Variants in CSRNP3 observed in about 807,000 individuals in gnomAD.
The protein encoded by CSRNP3 is cysteine and serine rich nuclear protein 3.
CSRNP3 carries 12 observed loss-of-function variants against 48.0 expected under a neutral mutation model. The observed-to-expected ratio is 0.25, with a 90% CI of 0.16 to 0.41. CSRNP3 has a LOEUF of 0.41. Among genes scored for constraint, CSRNP3 ranks in the 10% least tolerant of loss-of-function variants. The probability of loss-of-function intolerance (pLI) is 1.00; values close to 1 mark genes in which losing one functional copy is unlikely to be tolerated. For missense variants in CSRNP3, 580 were observed against 724.4 expected (o/e 0.80, Z 2.29); for synonymous variants, 263 against 269.7 (o/e 0.98, Z 0.24).
intron 1 of CSRNP3, among the ~76,000 whole-genome samples, chr2:165,476,301 A>G (rs1004225890): frequency 1.3e-5 from 2 of 152,208 alleles, no homozygotes; most frequent in Non-Finnish European, 2.9e-5. Context: ...ACAAGTGTGC[A>G]TGCTTGCTTG....
chr2:165,632,936 G>A (rs1686563479), intron 4 of CSRNP3, among the ~76,000 whole-genome samples: 2 of 152,166 alleles, frequency 1.3e-5, no homozygotes, highest in Admixed American at 1.3e-4. Flanking sequence ...ACTTAGCACT[G>A]TGGTAGACAT....
At chr2:165,514,429 A>G (rs558008960) in intron 2 of CSRNP3, among the ~76,000 whole-genome samples, 6 of 152,236 alleles carry the variant, frequency 3.9e-5, no homozygotes, top group Admixed American at 2.0e-4. Flanking sequence ...CCTGAGGTAC[A>G]TTACATCCCC....
chr2:165,628,552 C>T (rs574943473), intron 4 of CSRNP3, among the ~76,000 whole-genome samples: 27 of 151,986 alleles, frequency 1.8e-4, no homozygotes, highest in African/African-American at 6.0e-4. Flanking sequence ...GGTGAAACCC[C>T]GTCTCTACTA....
intron 1 of CSRNP3, among the ~76,000 whole-genome samples, chr2:165,490,146 C>T (rs1481322719): frequency 6.7e-6 from 1 of 148,356 alleles, no homozygotes; most frequent in Non-Finnish European, 1.5e-5. Flanking sequence ...CATTCTTATA[C>T]ACCAACAACA....
rs551798032 is a variant in CSRNP3 at position 165,682,777 on chromosome 2, C to T, written c.*3024C>T. 2.9e-4 allele frequency: 44 copies of T among 152,168 alleles called. No individual in the cohort carries two copies. The highest frequency in any genetic ancestry group is 1.1e-3 in the African/African-American group (44 of 41,540). The allele number at this position is 152,168 out of a possible 1,614,324, so 9.4% of individuals were successfully genotyped here. On this transcript the variant is annotated 3_prime_UTR_variant, in exon 7 of 7. Transcript: ENST00000651982. ...CCACATGCCAGGAAAGTGCTACAGT[C>T]CTTCTAAGCTTTTAAAAATGGGGAT...
At chr2:165,667,751 C>T (rs1301873171) in intron 5 of CSRNP3, among the ~76,000 whole-genome samples, 2 of 152,102 alleles carry the variant, frequency 1.3e-5, no homozygotes, top group African/African-American at 4.8e-5. Flanking sequence ...GACTTTGTAC[C>T]TAGCCTTCCT....
Position 165,683,971 on chromosome 2 carries a change from A to G in CSRNP3, c.*4218A>G, listed in dbSNP as rs1179100288. On this transcript the variant is annotated 3_prime_UTR_variant, in exon 7 of 7. Coordinates refer to ENST00000651982, the MANE Select transcript of CSRNP3 (RefSeq NM_001172173.2). ...TCAGCTAGGACTGAATCAAATGAAA[A>G]AGAAATTTTCGATTAATTGCTTCTT... The G allele has an allele frequency of 6.6e-6, 1 of 152,138 alleles. No homozygotes were observed. Among genetic ancestry groups the G allele is most frequent in the East Asian group, 1.9e-4 (1 of 5,192 alleles). 9.4% of individuals were successfully genotyped at this position (152,138 alleles called of 1,614,324 possible).
chr2:165,622,282 A>G (rs979410181), intron 4 of CSRNP3, among the ~76,000 whole-genome samples: 1 of 152,276 alleles, frequency 6.6e-6, no homozygotes, highest in East Asian at 1.9e-4. Flanking sequence ...GGCTTTATAC[A>G]TCTTTTGATT....
chr2:165,520,203 C>T (rs1368203847), intron 3 of CSRNP3, among the ~76,000 whole-genome samples: 2 of 152,100 alleles, frequency 1.3e-5, no homozygotes, highest in African/African-American at 4.8e-5. Flanking sequence ...CAATTTTGTG[C>T]AATCATTAAC....
chr2:165,588,169 A>G (rs1260834271), intron 3 of CSRNP3, among the ~76,000 whole-genome samples: 1 of 152,224 alleles, frequency 6.6e-6, no homozygotes. Context: ...AAGGAATGGT[A>G]TATCAAATGT....
At chr2:165,622,410 T>A (rs1202871849) in intron 4 of CSRNP3, among the ~76,000 whole-genome samples, 1 of 152,210 alleles carries the variant, frequency 6.6e-6, no homozygotes, top group Non-Finnish European at 1.5e-5. Context: ...TTAGTTTAAC[T>A]GCTGCAACAA....
intron 3 of CSRNP3, among the ~76,000 whole-genome samples, chr2:165,549,547 A>C (rs1274954755): frequency 6.6e-6 from 1 of 152,076 alleles, no homozygotes; most frequent in African/African-American, 2.4e-5. Flanking sequence ...GGTAGCTCTC[A>C]ATTATATATA....
At chr2:165,562,345 C>G (rs901108336) in intron 3 of CSRNP3, among the ~76,000 whole-genome samples, 2 of 152,086 alleles carry the variant, frequency 1.3e-5, no homozygotes, top group Non-Finnish European at 2.9e-5. Flanking sequence ...GAGAAGGGCC[C>G]AAGAAGTTTT....
At chr2:165,666,785 C>A (rs111162761) in intron 5 of CSRNP3, among the ~76,000 whole-genome samples, 58 of 81,330 alleles carry the variant, frequency 7.1e-4, no homozygotes, top group Middle Eastern at 0.024. Flanking sequence ...GAAAGGAAGG[C>A]AGGAAGGAAA....
chr2:165,519,164 AAT>A (rs1684618362), intron 3 of CSRNP3, among the ~76,000 whole-genome samples: 1 of 148,846 alleles, frequency 6.7e-6, no homozygotes, highest in African/African-American at 2.4e-5. Flanking sequence ...ACAAGTAAGA[AAT>A]ATGAGATTCT....
chr2:165,625,759 C>T (rs763260883), intron 4 of CSRNP3, among the ~76,000 whole-genome samples: 8 of 149,888 alleles, frequency 5.3e-5, no homozygotes, highest in African/African-American at 1.7e-4. Flanking sequence ...ATGGTAAAAC[C>T]CTGTCTCTAC....
intron 4 of CSRNP3, among the ~76,000 whole-genome samples, chr2:165,608,788 T>C (rs1199977054): frequency 2.2e-5 from 1 of 44,968 alleles, no homozygotes; most frequent in African/African-American, 7.0e-5. Flanking sequence ...TGTAAAAAAA[T>C]TAAAAAAAAA....
intron 4 of CSRNP3, among the ~76,000 whole-genome samples, chr2:165,609,194 G>C (rs900080603): frequency 1.3e-5 from 2 of 151,170 alleles, no homozygotes; most frequent in African/African-American, 2.4e-5. Flanking sequence ...AGTGGCTCAC[G>C]CCTGTAATCT....
Position 165,679,880 on chromosome 2 carries a change from T to C in CSRNP3, c.*127T>C. 1 of 1,348,496 alleles carries C rather than the reference T, an allele frequency of 7.4e-7. No homozygotes were observed. The highest frequency in any genetic ancestry group is 1.5e-5 in the South Asian group (1 of 68,896). The allele number at this position is 1,348,496 out of a possible 1,614,324, so 83.5% of individuals were successfully genotyped here. A position where few individuals can be genotyped will look rare whatever the true frequency, so the allele number is the denominator to read the frequency against. On this transcript the variant is annotated 3_prime_UTR_variant, in exon 7 of 7. Transcript: ENST00000651982. Reference sequence around the variant, plus strand: ...TTGGACGGTGGTTAATCTTCCAGACTGTATTTTGTTTTTTCCTTTCTAGCC... The same window carrying C: ...TTGGACGGTGGTTAATCTTCCAGACCGTATTTTGTTTTTTCCTTTCTAGCC...
Sources: gnomAD v4.1 joint callset for allele counts (sites outside exome capture counted in the v4.1 genomes callset) on GRCh38, gnomAD v4.1.1 for gene constraint, MANE v1.5 for transcripts, NCBI Gene and HGNC (gene_info 2026-07-23, HGNC 2026-07-21) for gene names.